Variants in KLF12 observed in about 807,000 individuals in gnomAD.
KLF12 encodes Krueppel-like factor 12.
Under a neutral mutation model 37.8 loss-of-function variants are expected in KLF12, and 9 were observed. The observed-to-expected ratio is 0.24, with a 90% CI of 0.14 to 0.42. KLF12 has a LOEUF of 0.42. Among genes scored for constraint, KLF12 ranks in the 10% least tolerant of loss-of-function variants. The pLI, the probability that KLF12 is intolerant of heterozygous loss-of-function variation, is 1.00. For missense variants in KLF12, 411 were observed against 516.0 expected (o/e 0.80, Z 1.97); for synonymous variants, 208 against 202.1 (o/e 1.03, Z -0.25).
At chr13:74,046,816 C>A (rs1012997900) in intron 1 of KLF12, among the ~76,000 whole-genome samples, 1 of 152,160 alleles carries the variant, frequency 6.6e-6, no homozygotes, top group African/African-American at 2.4e-5. Flanking sequence ...GATATTACTA[C>A]TGTGTCCTAT....
chr13:74,129,129 G>A (rs192435873), intron 1 of KLF12, among the ~76,000 whole-genome samples: 7 of 152,194 alleles, frequency 4.6e-5, no homozygotes, highest in Admixed American at 1.3e-4. Context: ...GCTCAAGTCC[G>A]TTATAAAAAA....
chr13:73,755,570 T>G (rs758572112), intron 6 of KLF12, among the ~76,000 whole-genome samples: 2 of 152,138 alleles, frequency 1.3e-5, no homozygotes, highest in Non-Finnish European at 2.9e-5. Context: ...TACATAAAGT[T>G]GAAATTTGAT....
chr13:73,915,733 C>T (rs79440831), intron 3 of KLF12, among the ~76,000 whole-genome samples: 1 of 142,986 alleles, frequency 7.0e-6, no homozygotes, highest in African/African-American at 2.6e-5. Flanking sequence ...TAGGTTTCGC[C>T]GTGTTAGCCA....
At position 74,068,676 on chromosome 13, in the gene KLF12, C is replaced by T. The variant is rs149631661; in HGVS notation, c.-32+65063G>A. ...GGTTCAAACGATTCTCCTGCTTCAG[C>T]CACGTCAGTAGCTGGGACCACAGGC... On this transcript the variant is annotated intron_variant, in intron 1 of 7. Transcript: ENST00000377669. 1.2e-3 allele frequency among the ~76,000 whole-genome samples: 185 copies of T among 151,956 alleles called. 5 individuals are homozygous for T. The East Asian group carries it at 0.028, about 23-fold the overall frequency.
At chr13:74,231,597 TCC>T in the KLF12 span, 2 of 152,182 alleles carry the variant, frequency 1.3e-5, no homozygotes, top group Non-Finnish European at 2.9e-5. Flanking sequence ...GCCCTGACTA[TCC>T]CAACATATAC....
At chr13:74,118,432 C>T (rs868367079) in intron 1 of KLF12, among the ~76,000 whole-genome samples, 6 of 152,100 alleles carry the variant, frequency 3.9e-5, no homozygotes, top group South Asian at 2.1e-4. Flanking sequence ...AAAATTCTTA[C>T]GCATCAAAAA....
At chr13:73,865,342 A>T (rs572428925) in intron 3 of KLF12, among the ~76,000 whole-genome samples, 1 of 152,324 alleles carries the variant, frequency 6.6e-6, no homozygotes, top group South Asian at 2.1e-4. Flanking sequence ...GGAAAAAGAA[A>T]AGCCCAAATT....
At chr13:74,244,522 T>A in the KLF12 span, among the ~76,000 whole-genome samples, 6 of 152,226 alleles carry the variant, frequency 3.9e-5, no homozygotes, top group African/African-American at 7.2e-5. Flanking sequence ...AGGAATCAGA[T>A]GATGGAGAAT....
intron 3 of KLF12, among the ~76,000 whole-genome samples, chr13:73,911,338 C>T (rs1174315742): frequency 2.0e-5 from 3 of 152,068 alleles, no homozygotes; most frequent in African/African-American, 4.8e-5. Flanking sequence ...AATTTCATGG[C>T]TATTAAAATT....
the KLF12 span, among the ~76,000 whole-genome samples, chr13:74,158,459 TC>T: frequency 6.6e-6 from 1 of 152,168 alleles, no homozygotes; most frequent in South Asian, 2.1e-4. Flanking sequence ...GATCCTTCAC[TC>T]ACACTCTTGC....
In KLF12 at chr13:73,808,684, C is replaced by T. The variant is rs534203195; in HGVS notation, c.806+4468G>A. On this transcript the variant is annotated intron_variant, in intron 5 of 7. Coordinates refer to ENST00000377669, the MANE Select transcript of KLF12 (RefSeq NM_007249.5). ...CCAGACATTTAGGACAAATAATTTACTAGCTCAGGAATGTTCACGCTATAT... is the reference window on the plus strand; with the variant it reads ...CCAGACATTTAGGACAAATAATTTATTAGCTCAGGAATGTTCACGCTATAT... Among the ~76,000 whole-genome samples, 26 of 152,292 alleles carry T rather than the reference C, an allele frequency of 1.7e-4. No individual in the cohort carries two copies. The South Asian group carries it at 4.6e-3, about 27-fold the overall frequency.
chr13:73,943,819 G>A (rs1890298352), intron 3 of KLF12, among the ~76,000 whole-genome samples, 162 bp downstream of exon 3: 2 of 152,168 alleles, frequency 1.3e-5, no homozygotes, highest in African/African-American at 4.8e-5. Context: ...TTGCAAATGG[G>A]TACAGATCAA....
At chr13:74,160,805 G>A in the KLF12 span, among the ~76,000 whole-genome samples, 1 of 152,140 alleles carries the variant, frequency 6.6e-6, no homozygotes, top group Non-Finnish European at 1.5e-5. Flanking sequence ...ATTTGAGCCG[G>A]GTTTGGCCTG....
At chr13:73,723,047 C>T (rs1876386971) in intron 6 of KLF12, among the ~76,000 whole-genome samples, 1 of 152,058 alleles carries the variant, frequency 6.6e-6, no homozygotes, top group Admixed American at 6.6e-5. Context: ...TTTGTTTCAA[C>T]ATATTTCAGC....
At chr13:74,158,637 C>T in the KLF12 span, among the ~76,000 whole-genome samples, 3 of 151,536 alleles carry the variant, frequency 2.0e-5, no homozygotes, top group African/African-American at 7.3e-5. Flanking sequence ...GGAAGTTGGT[C>T]GTGAAAGAGA....
At chr13:73,745,916 C>T (rs1348492103) in intron 6 of KLF12, among the ~76,000 whole-genome samples, 4 of 152,094 alleles carry the variant, frequency 2.6e-5, no homozygotes, top group Non-Finnish European at 4.4e-5. Flanking sequence ...TCGTAATGTC[C>T]TGCAAAATAC....
the KLF12 span, among the ~76,000 whole-genome samples, chr13:74,254,797 C>T: frequency 6.6e-5 from 10 of 151,728 alleles, no homozygotes; most frequent in Non-Finnish European, 1.2e-4. Flanking sequence ...TGTTTGTGTG[C>T]GTGTGTGTGT....
At chr13:74,247,096 C>A in the KLF12 span, among the ~76,000 whole-genome samples, 1 of 151,428 alleles carries the variant, frequency 6.6e-6, no homozygotes, top group Non-Finnish European at 1.5e-5. Context: ...TCTTTTTTTT[C>A]GACCAGATTT....
the KLF12 span, among the ~76,000 whole-genome samples, chr13:74,280,436 A>G: frequency 6.6e-6 from 1 of 152,190 alleles, no homozygotes. Flanking sequence ...AGCTTGCCTT[A>G]TTATCTGATT....
Sources: gnomAD v4.1 joint callset for allele counts (sites outside exome capture counted in the v4.1 genomes callset) on GRCh38, gnomAD v4.1.1 for gene constraint, MANE v1.5 for transcripts, NCBI Gene and HGNC (gene_info 2026-07-23, HGNC 2026-07-21) for gene names.